Variants in TMC1 observed in about 807,000 individuals in gnomAD.
The protein encoded by TMC1 is transmembrane channel like 1.
Under a neutral mutation model 105.8 loss-of-function variants are expected in TMC1, and 84 were observed. The ratio of observed to expected loss-of-function variants is 0.79; its 90% CI spans 0.67 to 0.95. The LOEUF is 0.95. TMC1 is among the 40% of genes least tolerant of loss of function. TMC1 has a pLI of 0.00. For missense variants in TMC1, 817 were observed against 914.1 expected (o/e 0.89, Z 1.37); for synonymous variants, 315 against 311.5 (o/e 1.01, Z -0.12).
chr9:72,565,422 T>C (rs1824132523), intron 1 of TMC1, among the ~76,000 whole-genome samples: 1 of 152,098 alleles, frequency 6.6e-6, no homozygotes, highest in Non-Finnish European at 1.5e-5. Context: ...GAAGCACAAA[T>C]TGAAAGTGAA....
At chr9:72,788,164 T>C (rs1828201659) in intron 13 of TMC1, among the ~76,000 whole-genome samples, 175 bp from the exon 14 acceptor site, 1 of 152,226 alleles carries the variant, frequency 6.6e-6, no homozygotes, top group Non-Finnish European at 1.5e-5. Context: ...TTTCAACAAC[T>C]GAACAAAAAT....
chr9:72,755,071 G>GA (rs1827653951), intron 12 of TMC1, among the ~76,000 whole-genome samples, 187 bp downstream of exon 12: 6 of 127,012 alleles, frequency 4.7e-5, no homozygotes, highest in South Asian at 2.9e-4. Context: ...AGGGAGGGAG[G>GA]GAGAGAGAGA....
intron 17 of TMC1, among the ~76,000 whole-genome samples, chr9:72,796,188 A>T (rs1828364157): frequency 6.6e-6 from 1 of 152,178 alleles, no homozygotes; most frequent in Non-Finnish European, 1.5e-5. Context: ...GAGTACCCAG[A>T]TTCATAAAGC....
intron 12 of TMC1, among the ~76,000 whole-genome samples, chr9:72,759,036 G>A (rs867040315): frequency 4.6e-5 from 7 of 152,108 alleles, no homozygotes; most frequent in African/African-American, 1.7e-4. Flanking sequence ...AAAGGCAAAA[G>A]GGGACATTGA....
chr9:72,791,229 T>A (rs1828261874), intron 15 of TMC1, among the ~76,000 whole-genome samples: 1 of 152,044 alleles, frequency 6.6e-6, no homozygotes, highest in South Asian at 2.1e-4. Context: ...CATTATTCTC[T>A]TGTCTCTGAA....
intron 6 of TMC1, among the ~76,000 whole-genome samples, chr9:72,689,619 C>G (rs1458191840): frequency 6.6e-6 from 1 of 152,004 alleles, no homozygotes; most frequent in African/African-American, 2.4e-5. Flanking sequence ...TTTAGGTGCT[C>G]TGATGTTGGA....
chr9:72,714,097 C>G (rs1465270466), intron 8 of TMC1, among the ~76,000 whole-genome samples: 1 of 152,214 alleles, frequency 6.6e-6, no homozygotes, highest in East Asian at 1.9e-4. Context: ...TTTCTTAATC[C>G]TGAGTTCTAA....
intron 8 of TMC1, among the ~76,000 whole-genome samples, chr9:72,734,311 C>A (rs1827262537): frequency 6.6e-6 from 1 of 152,154 alleles, no homozygotes. Context: ...TTGCTATTTG[C>A]CATGGACTAA....
At chr9:72,724,378 A>C (rs1485450797) in intron 8 of TMC1, among the ~76,000 whole-genome samples, 5 of 152,206 alleles carry the variant, frequency 3.3e-5, no homozygotes, top group African/African-American at 1.2e-4. Flanking sequence ...ACTCTGTGAT[A>C]CTAGCCCACT....
rs368968408 is a variant in TMC1, at chr9:72,822,514, TTGTGTGTGTGTGTGTGTGTGTG to T, written c.2003+1459_2003+1480del. 1.3e-4 allele frequency among the ~76,000 whole-genome samples: 17 copies of T among 135,864 alleles called. No individual in the cohort carries two copies. The South Asian group carries it at 2.8e-3, about 22-fold the overall frequency. The allele number at this position is 135,864 out of a possible 152,430, so 89.1% of individuals were successfully genotyped here. On this transcript the variant is annotated intron_variant, in intron 20 of 23. Coordinates refer to ENST00000297784, the MANE Select transcript of TMC1 (RefSeq NM_138691.3). ...ATGTTGAGAAGCTCTGTTAATTCCGTTGTGTGTGTGTGTGTGTGTGTGTGTGTGTGTGTGTGTGTGTGTGTGT... is the reference window on the plus strand; with the variant it reads ...ATGTTGAGAAGCTCTGTTAATTCCGTTGTGTGTGTGTGTGTGTGTGTGTGT...
chr9:72,526,878 A>G (rs1294565937), intron 1 of TMC1, among the ~76,000 whole-genome samples: 1 of 152,228 alleles, frequency 6.6e-6, no homozygotes, highest in East Asian at 1.9e-4. Context: ...TTCCTTCCAG[A>G]GTTGTGCACA....
chr9:72,567,905 A>G (rs1305078502), intron 1 of TMC1, among the ~76,000 whole-genome samples: 3 of 152,074 alleles, frequency 2.0e-5, no homozygotes, highest in African/African-American at 7.2e-5. Flanking sequence ...ATTGTTTATC[A>G]TCTTCTGGGA....
intron 8 of TMC1, among the ~76,000 whole-genome samples, chr9:72,732,542 G>T (rs1002096990): frequency 6.7e-6 from 1 of 149,390 alleles, no homozygotes; most frequent in Admixed American, 6.7e-5. Context: ...TCCAGCCTGG[G>T]CAGACAGAGT....
chr9:72,586,992 C>T (rs1824563682), intron 2 of TMC1, among the ~76,000 whole-genome samples: 1 of 152,080 alleles, frequency 6.6e-6, no homozygotes, highest in Admixed American at 6.5e-5. Flanking sequence ...TTGGCAAAGT[C>T]TGGAGTGTGT....
intron 10 of TMC1, among the ~76,000 whole-genome samples, chr9:72,747,205 TG>T (rs1827503878): frequency 6.6e-6 from 1 of 152,212 alleles, no homozygotes; most frequent in Non-Finnish European, 1.5e-5. Flanking sequence ...GTTTCCTTGC[TG>T]CCCTAAGGAT....
chr9:72,522,224 C>T (rs1823324862), intron 1 of TMC1, among the ~76,000 whole-genome samples: 1 of 150,944 alleles, frequency 6.6e-6, no homozygotes, highest in Non-Finnish European at 1.5e-5. Context: ...ATCTCGGCTC[C>T]CCAAGTAGCT....
chr9:72,820,708 G>C (rs2118297844), intron 19 of TMC1, 134 bp from the exon 20 acceptor site: 7 of 1,078,972 alleles, frequency 6.5e-6, no homozygotes, highest in South Asian at 4.0e-5. Context: ...TTTATGAAAA[G>C]GGTTTGTCTG....
At chr9:72,768,941 C>G (rs1827881392) in intron 12 of TMC1, among the ~76,000 whole-genome samples, 1 of 152,134 alleles carries the variant, frequency 6.6e-6, no homozygotes, top group South Asian at 2.1e-4. Context: ...GCCCTGTCAC[C>G]ACCAGGGACC....
In TMC1 at chr9:72,811,672, T is replaced by C. The variant is rs563266515; in HGVS notation, c.1696-4471T>C. ...GGAATGTTCAATAAACTCAGCATGG[T>C]GTTCACAGTTGTATTTTTAAGGTGA... On this transcript the variant is annotated intron_variant, in intron 18 of 23. Transcript: ENST00000297784. Among the ~76,000 whole-genome samples, 8 of 152,266 alleles carry C rather than the reference T, an allele frequency of 5.3e-5. No homozygotes were observed. In the South Asian group the frequency reaches 1.5e-3, roughly 28 times the overall value.
Sources: allele counts gnomAD v4.1 joint callset (sites outside exome capture counted in the v4.1 genomes callset), GRCh38; gene constraint gnomAD v4.1.1; transcripts MANE v1.5; gene names NCBI Gene and HGNC (gene_info 2026-07-23, HGNC 2026-07-21).